ZNF605: variants seen among roughly 807,000 people sequenced by gnomAD.
ZNF605 encodes zinc finger protein 605.
A neutral mutation model predicts 7.9 loss-of-function variants in ZNF605; 9 were observed. That is an observed-to-expected ratio of 1.14 (90% CI 0.68 to 1.98). ZNF605 has a LOEUF of 1.98. Ranked by LOEUF, ZNF605 falls within the 30% of genes most tolerant of loss-of-function variation. The probability of loss-of-function intolerance (pLI) is 0.00; values close to 1 mark genes in which losing one functional copy is unlikely to be tolerated. For synonymous variants in ZNF605, 255 were observed against 260.1 expected, an observed-to-expected ratio of 0.98 and a Z score of 0.19; for missense variants, 673 against 762.4, an observed-to-expected ratio of 0.88 and a Z score of 1.38.
chr12:132,944,552 G>A (rs1161489338), intron 3 of ZNF605, among the ~76,000 whole-genome samples: 1 of 152,182 alleles, frequency 6.6e-6, no homozygotes, highest in Non-Finnish European at 1.5e-5. Context: ...CCATTTGAAG[G>A]TTTCGTAATG....
intron 3 of ZNF605, among the ~76,000 whole-genome samples, chr12:132,942,889 G>A (rs1350266015): frequency 2.0e-5 from 3 of 152,302 alleles, no homozygotes; most frequent in Non-Finnish European, 4.4e-5. Context: ...CTCCGGGCCC[G>A]ACCATCCTGC....
chr12:132,955,113 A>G (rs1302507002), intron 1 of ZNF605, among the ~76,000 whole-genome samples: 3 of 152,132 alleles, frequency 2.0e-5, no homozygotes, highest in Non-Finnish European at 4.4e-5. Flanking sequence ...GGAAAAAAAG[A>G]CGCGGAAGAG....
chr12:132,935,896 A>G (rs1161794378), intron 3 of ZNF605, among the ~76,000 whole-genome samples: 5 of 128,200 alleles, frequency 3.9e-5, no homozygotes, highest in African/African-American at 1.3e-4. Flanking sequence ...CTGTCTTAAA[A>G]AAAAAAAAAA....
At position 132,933,057 on chromosome 12, in the gene ZNF605, G is replaced by A; in HGVS notation, c.114C>T (p.Asn38=). 1.2e-6 allele frequency: 2 copies of A among 1,603,398 alleles called. No individual in the cohort carries two copies. The highest frequency in any genetic ancestry group is 1.7e-6 in the Non-Finnish European group (2 of 1,173,422). The change falls in exon 4 of 5, where the codon AAC becomes AAT. Residue 38 remains asparagine, a synonymous_variant. Coordinates refer to ENST00000360187, the MANE Select transcript of ZNF605 (RefSeq NM_183238.4). This position sits in a 1 kb window ranked among gnomAD's most constrained non-coding sequence, Gnocchi z 4.4. ...KNLYRDVMLE[N]YSNLVFLEVW... The stretch of plus-strand genomic sequence containing the variant: ...TACCCAAGAAAACCAGATTGCTATA[G>A]TTCTCCAACATCACATCTCTGTACA...
At chr12:132,954,663 G>A (rs1181029048) in intron 1 of ZNF605, among the ~76,000 whole-genome samples, 2 of 151,284 alleles carry the variant, frequency 1.3e-5, no homozygotes, top group African/African-American at 4.9e-5. Flanking sequence ...GGGCCCCCAA[G>A]CATTCGCCCC....
chr12:132,926,176 T>C lies in ZNF605; in HGVS notation c.1123A>G (p.Ile375Val). 1 of 1,614,174 alleles carries C rather than the reference T, an allele frequency of 6.2e-7. No homozygotes were observed. The highest frequency in any genetic ancestry group is 8.5e-7 in the Non-Finnish European group (1 of 1,180,020). ...TGTTTAATCAGCTGTGGTTTTCTGA[T>C]GAAGGCTTCACCACATTCGTTGCAT... ...YECNECGEAF[I>V]RKPQLIKHQI... is the part of the protein sequence containing the mutation. Residue 375 changes from isoleucine to valine, a missense_variant, in exon 5 of 5, where the codon ATC becomes GTC. Transcript: ENST00000360187.
At chr12:132,955,950 T>C (rs1952632086) in intron 1 of ZNF605, among the ~76,000 whole-genome samples, 1 of 146,872 alleles carries the variant, frequency 6.8e-6, no homozygotes, top group African/African-American at 2.5e-5. Context: ...TGACCCCAAA[T>C]CTCCCCCGAC....
intron 3 of ZNF605, among the ~76,000 whole-genome samples, chr12:132,943,879 C>G (rs900509900): frequency 6.6e-6 from 1 of 152,062 alleles, no homozygotes; most frequent in South Asian, 2.1e-4. Flanking sequence ...ACAGCATTGC[C>G]GGGAGGTGAG....
chr12:132,954,060 G>A (rs896024717), intron 1 of ZNF605, among the ~76,000 whole-genome samples: 3 of 151,728 alleles, frequency 2.0e-5, no homozygotes, highest in African/African-American at 7.3e-5. Flanking sequence ...CCCATTCAAC[G>A]ATGTACACTG....
In ZNF605 at chr12:132,945,812, G is replaced by A. The variant is rs1475085063; in HGVS notation, c.-162-15C>T. ...AGGGCTATTGCCTGTGGATGCAGTG[G>A]ACATTTTATTTTAGATGATCTAATT... On this transcript the variant is annotated splice_polypyrimidine_tract_variant and intron_variant, in intron 2 of 4. Coordinates refer to ENST00000360187, the MANE Select transcript of ZNF605 (RefSeq NM_183238.4). The A allele has an allele frequency of 8.3e-6, 7 of 842,110 alleles. No homozygotes were observed. The highest frequency in any genetic ancestry group is 4.4e-5 in the Admixed American group (2 of 45,568). The allele number at this position is 842,110 out of a possible 1,614,324, so 52.2% of individuals were successfully genotyped here. A position where few individuals can be genotyped will look rare whatever the true frequency, so the allele number is the denominator to read the frequency against.
chr12:132,954,636 C>G (rs1390260716), intron 1 of ZNF605, among the ~76,000 whole-genome samples: 1 of 151,410 alleles, frequency 6.6e-6, no homozygotes, highest in African/African-American at 2.4e-5. Context: ...CCAGGGATCC[C>G]TAATCCCTTA....
Position 132,918,388 on chromosome 12 carries a change from G to T in ZNF605, c.*6985C>A, listed in dbSNP as rs1566225150. On this transcript the variant is annotated 3_prime_UTR_variant, in exon 5 of 5. Transcript: ENST00000360187. ...ATGAATTCATGAAACAGTTTACTCA[G>T]TTAACATTTGCATACAGAGATTTTC... 1 of 152,230 alleles carries T rather than the reference G, an allele frequency of 6.6e-6. No homozygotes were observed. Among genetic ancestry groups the T allele is most frequent in the Non-Finnish European group, 1.5e-5 (1 of 68,054 alleles). The allele number at this position is 152,230 out of a possible 1,614,324, so 9.4% of individuals were successfully genotyped here.
chr12:132,945,614 A>T lies in ZNF605; in HGVS notation c.15+7T>A, dbSNP rs1240984900. 7.4e-6 allele frequency: 12 copies of T among 1,613,268 alleles called. No homozygotes were observed. Among genetic ancestry groups the T allele is most frequent in the Non-Finnish European group, 1.0e-5 (12 of 1,179,858 alleles). On this transcript the variant is annotated splice_region_variant and intron_variant, in intron 3 of 4. Coordinates refer to ENST00000360187, the MANE Select transcript of ZNF605 (RefSeq NM_183238.4). Reference sequence around the variant, plus strand: ...TTCATGAAACAGAGGATAAACCGATAACCCACCTGTGACTGGATCATTTTC... The same window carrying T: ...TTCATGAAACAGAGGATAAACCGATTACCCACCTGTGACTGGATCATTTTC...
At chr12:132,931,269 C>T (rs1166087936) in intron 4 of ZNF605, among the ~76,000 whole-genome samples, 1 of 152,140 alleles carries the variant, frequency 6.6e-6, no homozygotes, top group Non-Finnish European at 1.5e-5. Flanking sequence ...AAGACCTTTC[C>T]TTATCTGGGT....
At chr12:132,950,968 GAC>G (rs1952556337) in intron 1 of ZNF605, among the ~76,000 whole-genome samples, 2 of 142,642 alleles carry the variant, frequency 1.4e-5, no homozygotes, top group African/African-American at 5.3e-5. Flanking sequence ...CACACACTCA[GAC>G]ACACTGATAC....
At chr12:132,929,698 G>A (rs1952286493) in intron 4 of ZNF605, among the ~76,000 whole-genome samples, 3 of 152,090 alleles carry the variant, frequency 2.0e-5, no homozygotes, top group African/African-American at 7.2e-5. Flanking sequence ...TGTAATCCCA[G>A]CACTTTGGGA....
At chr12:132,932,900 G>T in intron 4 of ZNF605, 135 bp downstream of exon 4, 1 of 1,352,744 alleles carries the variant, frequency 7.4e-7, no homozygotes, top group Non-Finnish European at 9.8e-7. Flanking sequence ...GCAAAATAAA[G>T]CAAGTGAATG....
rs1952248277 is a variant in ZNF605, at chr12:132,926,418, A to G, written c.881T>C (p.Leu294Ser). The change falls in exon 5 of 5, where the codon TTA becomes TCA. Residue 294 changes from leucine to serine, a missense_variant. Leu to Ser is a moderately radical substitution (Grantham distance 145). Coordinates refer to ENST00000360187, the MANE Select transcript of ZNF605 (RefSeq NM_183238.4). ...CGCTCTCTGATGTGTGATGAGTTTT[A>G]ATTTCTGGGAGAATGCTTTCCCACA... ...SECGKAFSQK[L>S]KLITHQRAHT... 1 of 1,613,158 alleles carries G rather than the reference A, an allele frequency of 6.2e-7. No homozygotes were observed. Among genetic ancestry groups the G allele is most frequent in the Admixed American group, 1.7e-5 (1 of 59,958 alleles).
Position 132,925,170 on chromosome 12 carries a change from T to G in ZNF605, c.*203A>C, listed in dbSNP as rs982607999. ...CATCCAATATGTAACGAGTAGTGTC[T>G]TCTGGGAGATGACTTTTTTTACACT... is the stretch of plus-strand genomic sequence containing the variant. On this transcript the variant is annotated 3_prime_UTR_variant, in exon 5 of 5. Transcript: ENST00000360187. 1.8e-5 allele frequency: 9 copies of G among 502,620 alleles called. No homozygotes were observed. The Admixed American group carries it at 2.2e-4, about 12-fold the overall frequency. The allele number at this position is 502,620 out of a possible 1,614,324, so 31.1% of individuals were successfully genotyped here. A position where few individuals can be genotyped will look rare whatever the true frequency, so the allele number is the denominator to read the frequency against.
Sources: allele counts gnomAD v4.1 joint callset (sites outside exome capture counted in the v4.1 genomes callset), GRCh38; gene constraint gnomAD v4.1.1; non-coding constraint Gnocchi (gnomAD v3.1); transcripts MANE v1.5; gene names NCBI Gene and HGNC (gene_info 2026-07-23, HGNC 2026-07-21).